ABCG8: variants seen among roughly 807,000 people sequenced by gnomAD.
ABCG8 encodes ATP-binding cassette sub-family G member 8.
ABCG8 carries 81 observed loss-of-function variants against 71.3 expected under a neutral mutation model. The observed-to-expected ratio is 1.14, with a 90% confidence interval of 0.95 to 1.37. ABCG8 has a LOEUF of 1.37. Ranked by LOEUF, ABCG8 falls within the 40% of genes most tolerant of loss-of-function variation. The pLI is 0.00. For missense variants in ABCG8, 1,119 were observed against 866.2 expected, an observed-to-expected ratio of 1.29 and a Z score of -3.66; for synonymous variants, 451 against 354.7, an observed-to-expected ratio of 1.27 and a Z score of -3.05.
In ABCG8 at chr2:43,867,278, A is replaced by T. The variant is rs200941916; in HGVS notation, c.965-4698A>T. 4.0e-4 allele frequency among the ~76,000 whole-genome samples: 61 copies of T among 152,056 alleles called. No individual in the cohort carries two copies. The East Asian group carries it at 0.011, about 27-fold the overall frequency. ...GAGTTAGCGGGTGCAGCGCACCAGC[A>T]TGTCACACGTATGCATATGTAACTA... is the stretch of plus-strand genomic sequence containing the variant. On this transcript the variant is annotated intron_variant, in intron 6 of 12. Transcript: ENST00000272286.
At chr2:43,870,583 C>T (rs184586566) in intron 6 of ABCG8, among the ~76,000 whole-genome samples, 15 of 151,708 alleles carry the variant, frequency 9.9e-5, no homozygotes, top group African/African-American at 3.6e-4. Flanking sequence ...CGTAATAGAA[C>T]TCTCACTATC....
chr2:43,868,133 G>A (rs553106293), intron 6 of ABCG8, among the ~76,000 whole-genome samples: 3 of 150,090 alleles, frequency 2.0e-5, no homozygotes, highest in Non-Finnish European at 3.0e-5. Flanking sequence ...CTCATTCTAT[G>A]GATAGAACTC....
chr2:43,855,090 T>G (rs1669056719), intron 6 of ABCG8, among the ~76,000 whole-genome samples: 2 of 152,210 alleles, frequency 1.3e-5, no homozygotes, highest in Non-Finnish European at 2.9e-5. Context: ...TTATTAATTT[T>G]CAGTGAGAAT....
chr2:43,874,994 C>G (rs1669909833), intron 10 of ABCG8, 152 bp from the exon 11 acceptor site: 4 of 1,105,270 alleles, frequency 3.6e-6, no homozygotes, highest in Non-Finnish European at 5.2e-6. Flanking sequence ...GCACTGAGCT[C>G]ATGCTCCTGG....
chr2:43,847,955 T>C (rs1558802426), intron 3 of ABCG8: 2 of 151,566 alleles, frequency 1.3e-5, no homozygotes, highest in African/African-American at 2.4e-5. Flanking sequence ...TGTAGAGATA[T>C]GGTTTTGCCA....
intron 6 of ABCG8, among the ~76,000 whole-genome samples, chr2:43,865,932 G>A (rs1305793953): frequency 6.6e-6 from 1 of 152,034 alleles, no homozygotes; most frequent in Non-Finnish European, 1.5e-5. Flanking sequence ...TATCTATCTG[G>A]ATAGAATTCT....
chr2:43,874,726 T>TA lies in ABCG8; in HGVS notation c.1488+251dup, dbSNP rs142666542. 0.022 allele frequency among the ~76,000 whole-genome samples: 3,404 copies of TA among 152,040 alleles called. 134 individuals are homozygous for TA. Among genetic ancestry groups the TA allele is most frequent in the African/African-American group, 0.079 (3,262 of 41,456 alleles). On this transcript the variant is annotated intron_variant, in intron 10 of 12. Transcript: ENST00000272286. ...GATAGTTTTCTGGCCAGAAGGAATC[T>TA]AAAAAAAAGAAGTCCTCATTGTATT...
At chr2:43,840,142 G>A (rs950658366) in intron 1 of ABCG8, among the ~76,000 whole-genome samples, 6 of 152,182 alleles carry the variant, frequency 3.9e-5, no homozygotes, top group African/African-American at 1.2e-4. Flanking sequence ...TGGGTAGGAG[G>A]GAGGAGAGAA....
chr2:43,852,630 G>T lies in ABCG8; in HGVS notation c.726G>T (p.Gly242=), dbSNP rs1331614809. ...GILILDEPTS[G]LDSFTAHNLV... is the part of the protein sequence containing the mutation. ...TTATTCTCGACGAACCCACCTCTGG[G>T]CTCGACAGCTTCACAGCCCACAACC... The change falls in exon 6 of 13, where the codon GGG becomes GGT. Residue 242 remains glycine, a synonymous_variant. Transcript: ENST00000272286. The T allele has an allele frequency of 4.3e-6, 7 of 1,614,004 alleles. No homozygotes were observed. The highest frequency in any genetic ancestry group is 1.7e-5 in the Admixed American group (1 of 59,968).
At position 43,844,554 on chromosome 2, in the gene ABCG8, C is replaced by A; in HGVS notation, c.111C>A (p.Tyr37Ter). The change falls in exon 2 of 13, where the codon TAC becomes TAA. Residue 37 changes from tyrosine to a stop codon, truncating the protein, a stop_gained. Coordinates refer to ENST00000272286, the MANE Select transcript of ABCG8 (RefSeq NM_022437.3). LOFTEE classifies it high-confidence loss of function. ...CCTCTGAAAGTGACAACAGCCTGTACTTCACCTACAGTGGCCAGCCCAACA... is the reference window on the plus strand; with the variant it reads ...CCTCTGAAAGTGACAACAGCCTGTAATTCACCTACAGTGGCCAGCCCAACA... ...LFSSESDNSLYFTYSGQPNTL... is the reference protein window; with the variant it reads ...LFSSESDNSL 6.2e-7 allele frequency: 1 copy of A among 1,614,206 alleles called. No individual in the cohort carries two copies.
intron 6 of ABCG8, among the ~76,000 whole-genome samples, chr2:43,863,543 C>CATGT (rs1669409135): frequency 6.7e-6 from 1 of 148,580 alleles, no homozygotes; most frequent in African/African-American, 2.5e-5. Context: ...GAATTCTCAC[C>CATGT]CTCTGGATAG....
At position 43,846,309 on chromosome 2, in the gene ABCG8, C is replaced by T; in HGVS notation, c.320C>T (p.Ser107Leu). The change falls in exon 3 of 13, where the codon TCA becomes TTA. Residue 107 changes from serine (S) to leucine (L), a missense_variant and splice_region_variant. Transcript: ENST00000272286. ...CAGATGCTGGCCATCATAGGGAGCT[C>T]AGGTACCGGAAAGGCAAATCGCTGG... ...SGQMLAIIGS[S>L]GCGRASLLDV... is the part of the protein sequence containing the mutation. 6.2e-7 allele frequency: 1 copy of T among 1,614,150 alleles called. No individual in the cohort carries two copies. Among genetic ancestry groups the T allele is most frequent in the Non-Finnish European group, 8.5e-7 (1 of 1,180,030 alleles).
Position 43,874,510 on chromosome 2 carries a change from G to GCCCCC in ABCG8, c.1488+29_1488+33dup. ...TGACTGGGCAGGGTTGAGAGCAAGT[G>GCCCCC]CCCCCCACCCACCAGGGTGGGGGTA... On this transcript the variant is annotated intron_variant, in intron 10 of 12. Coordinates refer to ENST00000272286, the MANE Select transcript of ABCG8 (RefSeq NM_022437.3). 3.9e-6 allele frequency: 6 copies of GCCCCC among 1,538,944 alleles called. No individual in the cohort carries two copies. In the South Asian group the frequency reaches 4.5e-5, roughly 11 times the overall value.
At chr2:43,852,224 A>C in intron 4 of ABCG8, 130 bp from the exon 5 acceptor site, 1 of 1,299,736 alleles carries the variant, frequency 7.7e-7, no homozygotes, top group Non-Finnish European at 1.1e-6. Flanking sequence ...TTGGAACTCA[A>C]GTGCTGGAGC....
Position 43,878,010 on chromosome 2 carries a change from T to C in ABCG8, c.*97T>C. ...CCCTTCCTGGGGACAGTGAGGACAA[T>C]GACCCTACAGATGCTCAGCTACATC... is the stretch of plus-strand genomic sequence containing the variant. On this transcript the variant is annotated 3_prime_UTR_variant, in exon 13 of 13. Transcript: ENST00000272286. 6.4e-7 allele frequency: 1 copy of C among 1,570,262 alleles called. No homozygotes were observed. The highest frequency in any genetic ancestry group is 8.7e-7 in the Non-Finnish European group (1 of 1,149,332).
chr2:43,873,895 C>T lies in ABCG8; in HGVS notation c.1320C>T (p.Ser440=), dbSNP rs745393819. 8.1e-6 allele frequency: 13 copies of T among 1,614,028 alleles called. No individual in the cohort carries two copies. In the African/African-American group the frequency reaches 1.7e-4, roughly 22 times the overall value. Residue 440 remains serine, a synonymous_variant, in exon 9 of 13, where the codon AGC becomes AGT. Coordinates refer to ENST00000272286, the MANE Select transcript of ABCG8 (RefSeq NM_022437.3). ...GCTTCCTCTATTTTGGCCATGGGAG[C>T]ATCCAGCTCTCCTTCATGGATACAG... ...TIGFLYFGHG[S]IQLSFMDTAA... is the part of the protein sequence containing the mutation.
At position 43,875,411 on chromosome 2, in the gene ABCG8, C is replaced by T. The variant is rs1186922426; in HGVS notation, c.1754C>T (p.Thr585Ile). Residue 585 changes from threonine to isoleucine, a missense_variant and splice_region_variant, in exon 11 of 13, where the codon ACA becomes ATA. Coordinates refer to ENST00000272286, the MANE Select transcript of ABCG8 (RefSeq NM_022437.3). ...ATGATAAACTTGAGCAGCCTGTGGA[C>T]AGGTAAGGCCTGCCCCCGGGGCCTG... ...GFMINLSSLWTVPAWISKVSF... is the reference protein window; with the variant it reads ...GFMINLSSLWIVPAWISKVSF... The T allele has an allele frequency of 9.9e-6, 16 of 1,612,568 alleles. 1 individual carries two copies. The African/African-American group carries it at 1.2e-4, about 12-fold the overall frequency.
intron 11 of ABCG8, 150 bp downstream of exon 11, chr2:43,875,563 A>G: frequency 2.0e-6 from 2 of 980,682 alleles, no homozygotes; most frequent in South Asian, 3.4e-5. Flanking sequence ...ACTGCCCTGG[A>G]GGCCAAAGGA....
At position 43,873,775 on chromosome 2, in the gene ABCG8, T is replaced by A; in HGVS notation, c.1212-12T>A. 6.2e-7 allele frequency: 1 copy of A among 1,614,050 alleles called. No individual in the cohort carries two copies. Among genetic ancestry groups the A allele is most frequent in the Non-Finnish European group, 8.5e-7 (1 of 1,179,972 alleles). ...GCTGTTGCCTCAGCATCTCTTCCTTTTGGTTTTTAAGTCGTCAGATTTCCA... is the reference window on the plus strand; with the variant it reads ...GCTGTTGCCTCAGCATCTCTTCCTTATGGTTTTTAAGTCGTCAGATTTCCA... On this transcript the variant is annotated splice_polypyrimidine_tract_variant and intron_variant, in intron 8 of 12. Coordinates refer to ENST00000272286, the MANE Select transcript of ABCG8 (RefSeq NM_022437.3).
Sources: allele counts gnomAD v4.1 joint callset (sites outside exome capture counted in the v4.1 genomes callset), GRCh38; gene constraint gnomAD v4.1.1; transcripts MANE v1.5; gene names NCBI Gene and HGNC (gene_info 2026-07-23, HGNC 2026-07-21).